Variants in TJP1 observed in about 807,000 individuals in gnomAD.
The protein encoded by TJP1 is tight junction protein 1.
Under a neutral mutation model 194.2 loss-of-function variants are expected in TJP1, and 43 were observed. The observed-to-expected ratio is 0.22, with a 90% confidence interval of 0.17 to 0.29. The LOEUF is 0.29. TJP1 is among the 10% of genes least tolerant of loss of function. The pLI is 1.00. For synonymous variants in TJP1, 801 were observed against 779.0 expected, an observed-to-expected ratio of 1.03 and a Z score of -0.47; for missense variants, 1,971 against 2,185.7, an observed-to-expected ratio of 0.90 and a Z score of 1.96.
At chr15:29,832,173 T>C (rs749977261) in intron 2 of TJP1, among the ~76,000 whole-genome samples, 5 of 152,036 alleles carry the variant, frequency 3.3e-5, no homozygotes, top group Non-Finnish European at 4.4e-5. Flanking sequence ...AGGGTAAACA[T>C]GACACAAGCA....
intron 2 of TJP1, among the ~76,000 whole-genome samples, chr15:29,897,502 A>G (rs2053513106): frequency 6.6e-6 from 1 of 152,210 alleles, no homozygotes; most frequent in African/African-American, 2.4e-5. Context: ...CAGATTCCCT[A>G]CTGGGGCACT....
chr15:29,776,529 T>C (rs1005971886), intron 2 of TJP1, among the ~76,000 whole-genome samples: 2 of 152,218 alleles, frequency 1.3e-5, no homozygotes, highest in African/African-American at 4.8e-5. Flanking sequence ...TAATAAATGA[T>C]AGTTTCCTAA....
At chr15:29,713,839 G>C (rs988824005) in intron 23 of TJP1, among the ~76,000 whole-genome samples, 1 of 151,648 alleles carries the variant, frequency 6.6e-6, no homozygotes, top group African/African-American at 2.4e-5. Flanking sequence ...CACTACAAAG[G>C]AAAAAAAAGT....
chr15:29,953,939 C>T (rs1004524174), intron 2 of TJP1, among the ~76,000 whole-genome samples: 7 of 152,316 alleles, frequency 4.6e-5, no homozygotes, highest in Admixed American at 3.3e-4. Flanking sequence ...TACACCAGAA[C>T]ATACAGCTCC....
intron 2 of TJP1, among the ~76,000 whole-genome samples, chr15:29,778,660 G>A (rs1313483222): frequency 6.6e-6 from 1 of 152,102 alleles, no homozygotes; most frequent in South Asian, 2.1e-4. Flanking sequence ...CCCAGTCTTT[G>A]CTCTAAACCC....
chr15:29,864,716 G>C (rs915997353), intron 2 of TJP1, among the ~76,000 whole-genome samples: 1 of 152,070 alleles, frequency 6.6e-6, no homozygotes, highest in South Asian at 2.1e-4. Flanking sequence ...GGCAGGAACA[G>C]GCTTCCAGTT....
chr15:29,802,796 T>G (rs767966467), intron 1 of TJP1, among the ~76,000 whole-genome samples: 27 of 152,312 alleles, frequency 1.8e-4, no homozygotes, highest in Non-Finnish European at 2.5e-4. Flanking sequence ...TTGATCTATT[T>G]CATTAACCAG....
At chr15:29,841,689 C>A (rs182274132) in intron 2 of TJP1, among the ~76,000 whole-genome samples, 1 of 151,984 alleles carries the variant, frequency 6.6e-6, no homozygotes, top group African/African-American at 2.4e-5. Context: ...AAAATTGGAG[C>A]CCCTGTTTTT....
At chr15:29,951,207 A>C (rs1169817699) in intron 2 of TJP1, among the ~76,000 whole-genome samples, 3 of 151,632 alleles carry the variant, frequency 2.0e-5, no homozygotes, top group Non-Finnish European at 4.4e-5. Context: ...TTGCTCTGTC[A>C]CCCAGGCTGG....
intron 2 of TJP1, among the ~76,000 whole-genome samples, chr15:29,925,267 G>A (rs2054489734): frequency 6.6e-6 from 1 of 152,156 alleles, no homozygotes; most frequent in South Asian, 2.1e-4. Context: ...ATTTTACTTG[G>A]AATTCTTATT....
At chr15:29,719,639 T>C in intron 20 of TJP1, 138 bp downstream of exon 20, 1 of 1,115,516 alleles carries the variant, frequency 9.0e-7, no homozygotes. Flanking sequence ...CTGAAATGAT[T>C]TGTATTGATT....
chr15:29,863,073 T>C (rs928032427), intron 2 of TJP1, among the ~76,000 whole-genome samples: 1 of 151,558 alleles, frequency 6.6e-6, no homozygotes, highest in African/African-American at 2.4e-5. Flanking sequence ...GGTGGGCGGA[T>C]TCCCTGAGGT....
chr15:29,823,719 A>T (rs1359541037), upstream of TJP1: 5 of 152,204 alleles, frequency 3.3e-5, no homozygotes, highest in Admixed American at 3.3e-4. Flanking sequence ...TTCTTCATAA[A>T]AATGGTTGAA....
At chr15:29,808,412 T>C (rs1046725794) in intron 1 of TJP1, among the ~76,000 whole-genome samples, 6 of 152,168 alleles carry the variant, frequency 3.9e-5, no homozygotes, top group African/African-American at 1.4e-4. Flanking sequence ...TTGATCTGAG[T>C]TGTGGGCAAA....
chr15:29,847,560 C>T (rs945177521), intron 2 of TJP1, among the ~76,000 whole-genome samples: 5 of 152,012 alleles, frequency 3.3e-5, no homozygotes, highest in African/African-American at 7.2e-5. Flanking sequence ...CTGAGGTGGG[C>T]GGATCACGAG....
intron 2 of TJP1, among the ~76,000 whole-genome samples, chr15:29,949,628 ACCTC>A (rs1725535969): frequency 3.5e-5 from 4 of 113,118 alleles, no homozygotes; most frequent in African/African-American, 1.3e-4. Flanking sequence ...CACCACCTCC[ACCTC>A]CACCACCTCC....
intron 15 of TJP1, 90 bp from the exon 16 acceptor site, chr15:29,728,109 G>T: frequency 2.9e-6 from 3 of 1,034,340 alleles, no homozygotes; most frequent in South Asian, 1.3e-5. Flanking sequence ...TGATATGCCG[G>T]ACTGGATAGT....
chr15:29,751,963 T>A (rs1595757207), intron 8 of TJP1, among the ~76,000 whole-genome samples: 2 of 152,154 alleles, frequency 1.3e-5, no homozygotes, highest in South Asian at 4.1e-4. Context: ...CTTGTTCTAT[T>A]GCCCAGGCTA....
At chr15:29,918,324 C>T (rs1795443905) in intron 2 of TJP1, among the ~76,000 whole-genome samples, 2 of 152,160 alleles carry the variant, frequency 1.3e-5, no homozygotes, top group African/African-American at 2.4e-5. Flanking sequence ...TCCCTGCTTT[C>T]TAGTGATTCA....
Sources: gnomAD v4.1 joint callset for allele counts (sites outside exome capture counted in the v4.1 genomes callset) on GRCh38, gnomAD v4.1.1 for gene constraint, MANE v1.5 for transcripts, NCBI Gene and HGNC (gene_info 2026-07-23, HGNC 2026-07-21) for gene names.